Variants in PILRA observed in about 807,000 individuals in gnomAD.
PILRA encodes paired immunoglobulin-like type 2 receptor alpha.
Under a neutral mutation model 33.1 loss-of-function variants are expected in PILRA, and 37 were observed. That is an observed-to-expected ratio of 1.12 (90% CI 0.86 to 1.47). The LOEUF is 1.47. Ranked by LOEUF, PILRA falls within the 40% of genes most tolerant of loss-of-function variation. The pLI, the probability that PILRA is intolerant of heterozygous loss-of-function variation, is 0.00. For synonymous variants in PILRA, 146 were observed against 149.9 expected, an observed-to-expected ratio of 0.97 and a Z score of 0.19; for missense variants, 312 against 376.2, an observed-to-expected ratio of 0.83 and a Z score of 1.41.
rs545361970 is a variant in PILRA, at chr7:100,399,767, C to G, written c.790-18C>G. ...CCGTCTCCACTGTCTAACCCTTTCTCTCTGGGTTCTCGCCCAGGATGACGG... is the reference window on the plus strand; with the variant it reads ...CCGTCTCCACTGTCTAACCCTTTCTGTCTGGGTTCTCGCCCAGGATGACGG... On this transcript the variant is annotated intron_variant, in intron 6 of 6. Coordinates refer to ENST00000198536, the MANE Select transcript of PILRA (RefSeq NM_013439.3). 3 of 1,610,130 alleles carry G rather than the reference C, an allele frequency of 1.9e-6. No individual in the cohort carries two copies. The highest frequency in any genetic ancestry group is 1.7e-5 in the Admixed American group (1 of 59,564).
intron 3 of PILRA, among the ~76,000 whole-genome samples, chr7:100,391,188 A>G (rs551424926): frequency 3.2e-4 from 43 of 136,082 alleles, no homozygotes; most frequent in African/African-American, 1.3e-3. Flanking sequence ...AATAATAATT[A>G]TTATTATTAT....
intron 2 of PILRA, among the ~76,000 whole-genome samples, chr7:100,376,966 G>A (rs1317453253): frequency 6.6e-6 from 1 of 151,124 alleles, no homozygotes; most frequent in Non-Finnish European, 1.5e-5. Context: ...ATTTTGCTAT[G>A]TTGCCCAGGC....
intron 2 of PILRA, among the ~76,000 whole-genome samples, chr7:100,378,312 A>G (rs1791000661): frequency 6.6e-6 from 1 of 152,198 alleles, no homozygotes; most frequent in African/African-American, 2.4e-5. Context: ...TGATTTCGCA[A>G]CTGCACTCCA....
intron 3 of PILRA, among the ~76,000 whole-genome samples, chr7:100,392,449 G>A (rs1791407043): frequency 6.6e-6 from 1 of 152,162 alleles, no homozygotes; most frequent in Admixed American, 6.5e-5. Flanking sequence ...TGGGCAAAGG[G>A]AGTGAAGATA....
Position 100,374,197 on chromosome 7 carries a change from G to C in PILRA, c.218G>C (p.Arg73Pro), listed in dbSNP as rs753428938. ...CCCGACGTGAGAATATCCTGGAGAC[G>C]GGGCCACTTCCACAGGCAGTCCTTC... ...TAPDVRISWR[R>P]GHFHRQSFYS... The change falls in exon 2 of 7, where the codon CGG (arginine) becomes CCG (proline). Residue 73 changes from arginine (R) to proline (P), a missense_variant. Transcript: ENST00000198536. 1.2e-6 allele frequency: 2 copies of C among 1,614,072 alleles called. No homozygotes were observed. The highest frequency in any genetic ancestry group is 8.5e-7 in the Non-Finnish European group (1 of 1,180,008).
In PILRA at chr7:100,399,792, G is replaced by T; in HGVS notation, c.797G>T (p.Gly266Val). ...TDPKLNPKDDGIVYASLALSS... is the reference protein window; with the variant it reads ...TDPKLNPKDDVIVYASLALSS... ...CTCTGGGTTCTCGCCCAGGATGACGGCATCGTCTATGCTTCCCTTGCCCTC... is the reference window on the plus strand; with the variant it reads ...CTCTGGGTTCTCGCCCAGGATGACGTCATCGTCTATGCTTCCCTTGCCCTC... The change falls in exon 7 of 7, where the codon GGC (glycine) becomes GTC (valine). Residue 266 changes from glycine to valine, a missense_variant. Coordinates refer to ENST00000198536, the MANE Select transcript of PILRA (RefSeq NM_013439.3). 6.2e-7 allele frequency: 1 copy of T among 1,610,680 alleles called. No homozygotes were observed. The highest frequency in any genetic ancestry group is 8.5e-7 in the Non-Finnish European group (1 of 1,178,190).
chr7:100,391,181 AATAATTATT>A (rs1220740853), intron 3 of PILRA, among the ~76,000 whole-genome samples: 109 of 142,020 alleles, frequency 7.7e-4, no homozygotes, highest in Non-Finnish European at 1.4e-3. Flanking sequence ...TAATAATAAT[AATAATTATT>A]ATTATTATTA....
At chr7:100,383,604 G>A (rs1207103594) in intron 2 of PILRA, among the ~76,000 whole-genome samples, 1 of 151,988 alleles carries the variant, frequency 6.6e-6, no homozygotes, top group Non-Finnish European at 1.5e-5. Context: ...AGCGTTTCCT[G>A]CAGGAGTGCT....
At chr7:100,391,387 TA>T (rs1791388271) in intron 3 of PILRA, among the ~76,000 whole-genome samples, 1 of 151,844 alleles carries the variant, frequency 6.6e-6, no homozygotes, top group South Asian at 2.1e-4. Flanking sequence ...AAAAATTTTT[TA>T]TAAATGACAC....
chr7:100,387,168 C>G (rs896326961), intron 2 of PILRA, among the ~76,000 whole-genome samples: 2 of 152,212 alleles, frequency 1.3e-5, no homozygotes, highest in Non-Finnish European at 2.9e-5. Context: ...CTCCCACAAA[C>G]TTAGCGTTCT....
At position 100,378,471 on chromosome 7, in the gene PILRA, C is replaced by CA. The variant is rs527344200; in HGVS notation, c.454+4038_454+4039insA. Among the ~76,000 whole-genome samples the CA allele has an allele frequency of 6.6e-5, 10 of 152,306 alleles. No individual in the cohort carries two copies. The South Asian group carries it at 1.9e-3, about 28-fold the overall frequency. On this transcript the variant is annotated intron_variant, in intron 2 of 6. Transcript: ENST00000198536. ...AAACAAAAACAAAAAACACAACACT[C>CA]TTTTAAGTCAGTTGCATTAAACCTA... is the stretch of plus-strand genomic sequence containing the variant.
intron 3 of PILRA, 46 bp downstream of exon 3, chr7:100,390,152 GT>G: frequency 1.3e-6 from 2 of 1,527,312 alleles, no homozygotes; most frequent in Non-Finnish European, 1.8e-6. Flanking sequence ...CCATCTGGGG[GT>G]TTCTCAAAGC....
At chr7:100,374,486 G>A (rs1468852003) in intron 2 of PILRA, 53 bp downstream of exon 2, 1 of 1,603,612 alleles carries the variant, frequency 6.2e-7, no homozygotes, top group South Asian at 1.1e-5. Flanking sequence ...AGGCTTTTAT[G>A]ATCACTGGTG....
In PILRA at chr7:100,373,610, C is replaced by A; in HGVS notation, c.-47C>A. Reference sequence around the variant, plus strand: ...CCCCTCCACAGGGCCCCTCTCCTGCCTGGACGGCTCTGCTGGTCTCCCCGT... The same window carrying A: ...CCCCTCCACAGGGCCCCTCTCCTGCATGGACGGCTCTGCTGGTCTCCCCGT... On this transcript the variant is annotated 5_prime_UTR_variant, in exon 1 of 7. It adds an upstream start codon to the 5' untranslated region. Coordinates refer to ENST00000198536, the MANE Select transcript of PILRA (RefSeq NM_013439.3). The A allele has an allele frequency of 6.2e-7, 1 of 1,610,876 alleles. No homozygotes were observed.
chr7:100,390,359 A>G (rs973965558), intron 3 of PILRA, among the ~76,000 whole-genome samples: 1 of 151,958 alleles, frequency 6.6e-6, no homozygotes, highest in Non-Finnish European at 1.5e-5. Flanking sequence ...TCTCTCAGTC[A>G]TCACTCATCT....
intron 3 of PILRA, among the ~76,000 whole-genome samples, chr7:100,393,932 G>A (rs1001075755): frequency 1.3e-5 from 2 of 152,176 alleles, no homozygotes; most frequent in Admixed American, 6.5e-5. Flanking sequence ...CCACACAGCC[G>A]ATCCCCGCCC....
chr7:100,373,496 G>T lies in PILRA; in HGVS notation c.-161G>T. ...AAAGGAAGTGCTGGTCACCCTGGAG[G>T]TGCACTGGTTTGGGGAAGGCTCCTG... On this transcript the variant is annotated 5_prime_UTR_variant, in exon 1 of 7. Coordinates refer to ENST00000198536, the MANE Select transcript of PILRA (RefSeq NM_013439.3). 1.4e-6 allele frequency: 1 copy of T among 733,596 alleles called. No homozygotes were observed. Among genetic ancestry groups the T allele is most frequent in the Non-Finnish European group, 2.4e-6 (1 of 421,194 alleles). The allele number at this position is 733,596 out of a possible 1,614,324, so 45.4% of individuals were successfully genotyped here.
intron 2 of PILRA, among the ~76,000 whole-genome samples, chr7:100,388,597 T>G (rs1791308543): frequency 6.7e-6 from 1 of 150,244 alleles, no homozygotes; most frequent in Non-Finnish European, 1.5e-5. Context: ...AATACAAAAA[T>G]TAGCTGGGCA....
chr7:100,398,039 C>T, intron 4 of PILRA, 127 bp downstream of exon 4: 1 of 856,800 alleles, frequency 1.2e-6, no homozygotes, highest in Non-Finnish European at 1.9e-6. Flanking sequence ...TGTTGCATCC[C>T]CAACTTACCC....
Sources: gnomAD v4.1 joint callset for allele counts (sites outside exome capture counted in the v4.1 genomes callset) on GRCh38, gnomAD v4.1.1 for gene constraint, MANE v1.5 for transcripts, NCBI Gene and HGNC (gene_info 2026-07-23, HGNC 2026-07-21) for gene names.